Variants in IMMP2L observed in about 807,000 individuals in gnomAD.
IMMP2L encodes the protein inner mitochondrial membrane peptidase subunit 2.
A neutral mutation model predicts 19.3 loss-of-function variants in IMMP2L; 18 were observed. The observed-to-expected ratio is 0.93, with a 90% CI of 0.64 to 1.38. The LOEUF is 1.38. IMMP2L is among the 40% of genes most tolerant of loss of function. IMMP2L has a pLI of 0.00. For missense variants in IMMP2L, 233 were observed against 218.2 expected, an observed-to-expected ratio of 1.07 and a Z score of -0.43; for synonymous variants, 76 against 73.0, an observed-to-expected ratio of 1.04 and a Z score of -0.21.
At chr7:111,075,557 T>C (rs1320041252) in intron 3 of IMMP2L, among the ~76,000 whole-genome samples, 3 of 152,240 alleles carry the variant, frequency 2.0e-5, no homozygotes, top group Non-Finnish European at 4.4e-5. Flanking sequence ...CAGTCCCTCC[T>C]TTCTTCTTGA....
intron 5 of IMMP2L, among the ~76,000 whole-genome samples, chr7:110,669,367 C>A (rs1183746596): frequency 6.6e-6 from 1 of 152,058 alleles, no homozygotes; most frequent in Admixed American, 6.5e-5. Flanking sequence ...TCTATTCAGG[C>A]CTTCAACTGA....
intron 5 of IMMP2L, among the ~76,000 whole-genome samples, chr7:110,871,785 GAAA>G (rs1456014608): frequency 6.6e-6 from 1 of 152,068 alleles, no homozygotes; most frequent in Admixed American, 6.6e-5. Flanking sequence ...GCAAAAGTAT[GAAA>G]AACAATATAG....
chr7:111,207,794 A>G (rs1286640108), intron 3 of IMMP2L, among the ~76,000 whole-genome samples: 1 of 151,964 alleles, frequency 6.6e-6, no homozygotes, highest in Non-Finnish European at 1.5e-5. Flanking sequence ...TCAGCCTCCC[A>G]AAGTGCTGGG....
intron 3 of IMMP2L, among the ~76,000 whole-genome samples, chr7:111,360,542 G>A (rs889829249): frequency 6.6e-6 from 1 of 152,190 alleles, no homozygotes; most frequent in African/African-American, 2.4e-5. Context: ...CAGGCCTGGG[G>A]CACAGTGGCT....
intron 5 of IMMP2L, among the ~76,000 whole-genome samples, chr7:110,825,623 T>C (rs892412620): frequency 9.9e-5 from 15 of 152,180 alleles, no homozygotes; most frequent in African/African-American, 3.6e-4. Context: ...CTAGGAAAAC[T>C]GGCTAGTCAT....
At chr7:110,966,005 C>A (rs1379341772) in intron 3 of IMMP2L, among the ~76,000 whole-genome samples, 2 of 151,826 alleles carry the variant, frequency 1.3e-5, no homozygotes, top group Non-Finnish European at 2.9e-5. Flanking sequence ...TAAAGCATTA[C>A]TGTCTATTTT....
intron 3 of IMMP2L, among the ~76,000 whole-genome samples, chr7:111,132,291 T>C (rs1343781341): frequency 6.6e-6 from 1 of 152,020 alleles, no homozygotes; most frequent in African/African-American, 2.4e-5. Flanking sequence ...TTTCCATGCA[T>C]CTACTTCACA....
intron 3 of IMMP2L, among the ~76,000 whole-genome samples, chr7:111,376,731 A>G (rs1830708190): frequency 6.6e-6 from 1 of 152,148 alleles, no homozygotes; most frequent in African/African-American, 2.4e-5. Context: ...GGGAATAAAA[A>G]GTAGTGATAC....
intron 4 of IMMP2L, among the ~76,000 whole-genome samples, chr7:110,895,312 T>C (rs539750319): frequency 6.6e-6 from 1 of 152,154 alleles, no homozygotes; most frequent in African/African-American, 2.4e-5. Context: ...CAATTCAAGA[T>C]GAGATTTGGG....
At chr7:110,808,724 A>C (rs1156629540) in intron 5 of IMMP2L, among the ~76,000 whole-genome samples, 2 of 152,126 alleles carry the variant, frequency 1.3e-5, no homozygotes, top group Non-Finnish European at 2.9e-5. Context: ...CTCTGCATCT[A>C]TCAGAGGGAA....
intron 2 of IMMP2L, among the ~76,000 whole-genome samples, chr7:111,497,943 CAATT>C (rs1308737179): frequency 1.3e-5 from 2 of 151,414 alleles, no homozygotes; most frequent in Non-Finnish European, 2.9e-5. Flanking sequence ...AAGGTGGTAT[CAATT>C]ATTTATTTTC....
At chr7:110,907,086 C>A (rs1262685608) in intron 4 of IMMP2L, among the ~76,000 whole-genome samples, 1 of 151,968 alleles carries the variant, frequency 6.6e-6, no homozygotes, top group Admixed American at 6.6e-5. Flanking sequence ...TGCCCACGAC[C>A]CCTGAAGCCC....
chr7:111,491,957 T>A (rs945367828), intron 2 of IMMP2L, among the ~76,000 whole-genome samples: 2 of 151,928 alleles, frequency 1.3e-5, no homozygotes, highest in African/African-American at 4.8e-5. Context: ...TATTTCTGAC[T>A]GTTCTCCTTG....
At position 110,870,454 on chromosome 7, in the gene IMMP2L, T is replaced by C. The variant is rs1420106735; in HGVS notation, c.408+16139A>G. ...AACCAAAAGGACAAGGTTCCTGACC[T>C]CATGAAGCTCAATTTTCTATTGGAG... is the stretch of plus-strand genomic sequence containing the variant. On this transcript the variant is annotated intron_variant, in intron 5 of 5. Transcript: ENST00000405709. The surrounding 1 kb of genome is among the most constrained non-coding windows in gnomAD (Gnocchi z 4.2). 6.6e-6 allele frequency among the ~76,000 whole-genome samples: 1 copy of C among 152,126 alleles called. No individual in the cohort carries two copies. Among genetic ancestry groups the C allele is most frequent in the Non-Finnish European group, 1.5e-5 (1 of 68,018 alleles).
At chr7:110,802,505 A>T (rs971145498) in intron 5 of IMMP2L, among the ~76,000 whole-genome samples, 2 of 151,974 alleles carry the variant, frequency 1.3e-5, no homozygotes, top group Non-Finnish European at 2.9e-5. Flanking sequence ...TTATTTATAA[A>T]TGTACTATAA....
chr7:111,217,748 T>C (rs1419696967), intron 3 of IMMP2L, among the ~76,000 whole-genome samples: 4 of 152,048 alleles, frequency 2.6e-5, no homozygotes, highest in South Asian at 2.1e-4. Context: ...ATTATGATAC[T>C]AAACAATAAT....
At chr7:111,252,133 T>TAA (rs550524235) in intron 3 of IMMP2L, among the ~76,000 whole-genome samples, 1 of 142,426 alleles carries the variant, frequency 7.0e-6, no homozygotes. Context: ...TTTGGGAGCA[T>TAA]AAAAAAAAAA....
rs531275947 is a variant in IMMP2L, at chr7:111,039,082, T to C, written c.240-75517A>G. Among the ~76,000 whole-genome samples the C allele has an allele frequency of 5.3e-5, 8 of 152,320 alleles. No individual in the cohort carries two copies. In the East Asian group the frequency reaches 1.5e-3, roughly 29 times the overall value. ...CTATTTCAAACTTTGATAAGCACAA[T>C]GTATAGAATAGAATGGTCTGCTTTG... On this transcript the variant is annotated intron_variant, in intron 3 of 5. Transcript: ENST00000405709.
rs1585714440 is a variant in IMMP2L at position 111,562,415 on chromosome 7, C to T, written c.-567G>A. On this transcript the variant is annotated 5_prime_UTR_variant, in exon 1 of 6. Coordinates refer to ENST00000405709, the MANE Select transcript of IMMP2L (RefSeq NM_032549.4). ...TACGCGCCCGCCGACCCCTGCCAGC[C>T]TCACAGCCCCCCACCCGCCGCCGGA... 6.7e-6 allele frequency: 1 copy of T among 149,280 alleles called. No individual in the cohort carries two copies. Among genetic ancestry groups the T allele is most frequent in the African/African-American group, 2.5e-5 (1 of 39,954 alleles). The allele number at this position is 149,280 out of a possible 1,614,324, so 9.2% of individuals were successfully genotyped here. A position where few individuals can be genotyped will look rare whatever the true frequency, so the allele number is the denominator to read the frequency against.
Sources: gnomAD v4.1 joint callset for allele counts (sites outside exome capture counted in the v4.1 genomes callset) on GRCh38, gnomAD v4.1.1 for gene constraint, Gnocchi (gnomAD v3.1) non-coding constraint, MANE v1.5 for transcripts, NCBI Gene and HGNC (gene_info 2026-07-23, HGNC 2026-07-21) for gene names.